PPP2R5E: variants seen among roughly 807,000 people sequenced by gnomAD.
The protein encoded by PPP2R5E is protein phosphatase 2 regulatory subunit B'epsilon.
PPP2R5E carries 4 observed loss-of-function variants against 65.3 expected under a neutral mutation model. The observed-to-expected ratio is 0.06, with a 90% CI of 0.03 to 0.14. PPP2R5E has a LOEUF of 0.14. Ranked by LOEUF, PPP2R5E falls within the 10% of genes least tolerant of loss-of-function variation. The probability of loss-of-function intolerance (pLI) is 1.00; values close to 1 mark genes in which losing one functional copy is unlikely to be tolerated. For synonymous variants in PPP2R5E, 183 were observed against 187.4 expected, an observed-to-expected ratio of 0.98 and a Z score of 0.19; for missense variants, 274 against 556.1, an observed-to-expected ratio of 0.49 and a Z score of 5.10.
intron 2 of PPP2R5E, among the ~76,000 whole-genome samples, chr14:63,467,206 G>A (rs1230104942): frequency 7.3e-6 from 1 of 137,290 alleles, no homozygotes; most frequent in Admixed American, 7.3e-5. Context: ...CTGGGTGACA[G>A]AGCAAGACTC....
chr14:63,477,535 C>A (rs1890469386), intron 2 of PPP2R5E, among the ~76,000 whole-genome samples: 1 of 149,410 alleles, frequency 6.7e-6, no homozygotes, highest in South Asian at 2.1e-4. Context: ...AGAAAAAAAG[C>A]AGTAATGGAG....
intron 3 of PPP2R5E, among the ~76,000 whole-genome samples, chr14:63,423,036 T>C (rs1341816343): frequency 6.6e-6 from 1 of 152,244 alleles, no homozygotes; most frequent in African/African-American, 2.4e-5. Context: ...CTGTTGAAAC[T>C]GGGTGATGAA....
chr14:63,396,838 C>A, intron 5 of PPP2R5E, 122 bp from the exon 6 acceptor site: 1 of 1,200,824 alleles, frequency 8.3e-7, no homozygotes, highest in South Asian at 1.5e-5. Flanking sequence ...TATTATGTGC[C>A]AAGCACAGTG....
At chr14:63,528,903 A>G (rs1370055582) in intron 2 of PPP2R5E, among the ~76,000 whole-genome samples, 1 of 152,214 alleles carries the variant, frequency 6.6e-6, no homozygotes, top group Admixed American at 6.5e-5. Flanking sequence ...AGATTTCTAC[A>G]CAGAAGATCA....
At chr14:63,404,986 T>A (rs1282007552) in intron 5 of PPP2R5E, among the ~76,000 whole-genome samples, 5 of 151,184 alleles carry the variant, frequency 3.3e-5, no homozygotes, top group African/African-American at 1.2e-4. Flanking sequence ...GTATTAAGAG[T>A]TTCAAGACAG....
At chr14:63,528,070 C>CA (rs138450783) in intron 2 of PPP2R5E, among the ~76,000 whole-genome samples, 9,102 of 145,276 alleles carry the variant, frequency 0.063, 299 homozygotes, top group Admixed American at 0.078. Flanking sequence ...TATAAGTTTT[C>CA]AAAAAAAAAA....
intron 2 of PPP2R5E, among the ~76,000 whole-genome samples, chr14:63,466,795 GTATGTA>G (rs1889830922): frequency 2.0e-5 from 3 of 149,262 alleles, no homozygotes; most frequent in African/African-American, 7.8e-5. Context: ...ATACATATGT[GTATGTA>G]TGTATGTGTG....
intron 2 of PPP2R5E, among the ~76,000 whole-genome samples, chr14:63,455,138 G>A (rs1450467022): frequency 6.6e-6 from 1 of 152,114 alleles, no homozygotes; most frequent in Admixed American, 6.5e-5. Context: ...GGAGAGGAGG[G>A]CAACAGCATA....
chr14:63,379,045 TC>T (rs1343124934), intron 13 of PPP2R5E, among the ~76,000 whole-genome samples: 2 of 148,832 alleles, frequency 1.3e-5, no homozygotes, highest in African/African-American at 5.0e-5. Flanking sequence ...TTTTTTTTTT[TC>T]GAGACGGAGT....
At chr14:63,388,398 C>T (rs1014524304) in intron 11 of PPP2R5E, among the ~76,000 whole-genome samples, 3 of 152,184 alleles carry the variant, frequency 2.0e-5, no homozygotes, top group Non-Finnish European at 4.4e-5. Flanking sequence ...CTCAGCCTCC[C>T]AAAGTGCTGG....
At chr14:63,526,556 T>C (rs1219420805) in intron 2 of PPP2R5E, among the ~76,000 whole-genome samples, 1 of 151,938 alleles carries the variant, frequency 6.6e-6, no homozygotes, top group East Asian at 1.9e-4. Flanking sequence ...CTTTCTCTCT[T>C]TCTCTTTTTC....
intron 5 of PPP2R5E, among the ~76,000 whole-genome samples, chr14:63,402,359 G>A (rs928835788): frequency 1.3e-5 from 2 of 152,084 alleles, no homozygotes; most frequent in Admixed American, 6.6e-5. Flanking sequence ...ATGTGCACAC[G>A]GTAACATACA....
chr14:63,515,197 C>A (rs997976398), intron 2 of PPP2R5E, among the ~76,000 whole-genome samples: 1 of 152,112 alleles, frequency 6.6e-6, no homozygotes, highest in Non-Finnish European at 1.5e-5. Flanking sequence ...AGAAAATAAA[C>A]AACTATACGG....
At chr14:63,408,017 C>A (rs1466524021) in intron 5 of PPP2R5E, among the ~76,000 whole-genome samples, 1 of 152,144 alleles carries the variant, frequency 6.6e-6, no homozygotes, top group Non-Finnish European at 1.5e-5. Context: ...AGAACTAAGA[C>A]AAAAATACTA....
At chr14:63,395,349 A>AGAGGAG in intron 6 of PPP2R5E, 64 bp from the exon 7 acceptor site, 3 of 1,021,614 alleles carry the variant, frequency 2.9e-6, no homozygotes, top group Non-Finnish European at 4.3e-6. Context: ...AGGGATAAAA[A>AGAGGAG]GAGGAGGAGG....
chr14:63,394,043 A>G, intron 7 of PPP2R5E, 115 bp from the exon 8 acceptor site: 1 of 429,804 alleles, frequency 2.3e-6, no homozygotes. Context: ...ACAACATAAT[A>G]CCCACCCCAG....
chr14:63,487,889 C>T (rs1024184316), intron 2 of PPP2R5E, among the ~76,000 whole-genome samples: 9 of 150,008 alleles, frequency 6.0e-5, no homozygotes, highest in Admixed American at 4.6e-4. Flanking sequence ...TGCTTTATTA[C>T]AGTACCATCA....
At chr14:63,529,339 G>A (rs1893312962) in intron 2 of PPP2R5E, among the ~76,000 whole-genome samples, 1 of 150,046 alleles carries the variant, frequency 6.7e-6, no homozygotes, top group Non-Finnish European at 1.5e-5. Flanking sequence ...ACAGGCGTGA[G>A]CCACCGCACC....
rs532160700 is a variant in PPP2R5E, at chr14:63,455,879, G to A, written c.158-1994C>T. Among the ~76,000 whole-genome samples the A allele has an allele frequency of 4.4e-4, 67 of 151,792 alleles. No individual in the cohort carries two copies. The South Asian group carries it at 0.014, about 31-fold the overall frequency. ...GAAGTCTTGTTCAAGCAATTCTCCT[G>A]CCTCAGCCTTCTGAGTAGCTGGGCT... On this transcript the variant is annotated intron_variant, in intron 2 of 13. Coordinates refer to ENST00000337537, the MANE Select transcript of PPP2R5E (RefSeq NM_006246.5).
Sources: allele counts gnomAD v4.1 joint callset (sites outside exome capture counted in the v4.1 genomes callset), GRCh38; gene constraint gnomAD v4.1.1; transcripts MANE v1.5; gene names NCBI Gene and HGNC (gene_info 2026-07-23, HGNC 2026-07-21).